The following RPS6KC1 variants were observed in gnomAD, a reference collection of about 807,000 sequenced individuals.
RPS6KC1 encodes the protein inactive ribosomal protein S6 kinase delta-1.
RPS6KC1 carries 54 observed loss-of-function variants against 103.8 expected under a neutral mutation model. That is an observed-to-expected ratio of 0.52 (90% CI 0.42 to 0.65). RPS6KC1 has a LOEUF of 0.65. Ranked by LOEUF, RPS6KC1 falls within the 30% of genes least tolerant of loss-of-function variation. The probability of loss-of-function intolerance (pLI) is 0.00; values close to 1 mark genes in which losing one functional copy is unlikely to be tolerated. For synonymous variants in RPS6KC1, 439 were observed against 438.7 expected (o/e 1.00, Z -0.01); for missense variants, 1,151 against 1,253.8 (o/e 0.92, Z 1.24).
chr1:213,171,810 C>T (rs1057364362), intron 7 of RPS6KC1, among the ~76,000 whole-genome samples: 3 of 152,116 alleles, frequency 2.0e-5, no homozygotes, highest in African/African-American at 7.2e-5. Flanking sequence ...GAAATGTGAC[C>T]TAGTGCGGCT....
At chr1:213,478,072 A>G in the RPS6KC1 span, among the ~76,000 whole-genome samples, 2 of 152,124 alleles carry the variant, frequency 1.3e-5, no homozygotes, top group African/African-American at 4.8e-5. Context: ...CCATCTCCAT[A>G]GTTTTGCCTT....
At chr1:213,620,374 G>T in the RPS6KC1 span, among the ~76,000 whole-genome samples, 1 of 152,322 alleles carries the variant, frequency 6.6e-6, no homozygotes, top group Non-Finnish European at 1.5e-5. Context: ...GGAAGCCTGT[G>T]TTCAGTTGTG....
chr1:213,748,931 T>C, the RPS6KC1 span, among the ~76,000 whole-genome samples: 2 of 152,204 alleles, frequency 1.3e-5, no homozygotes, highest in Non-Finnish European at 1.5e-5. Flanking sequence ...TCTTAATTAT[T>C]GTCCAGAGAA....
chr1:213,056,275 A>T (rs2077323881), intron 1 of RPS6KC1, among the ~76,000 whole-genome samples: 2 of 152,154 alleles, frequency 1.3e-5, no homozygotes, highest in Admixed American at 1.3e-4. Context: ...CAATGAGGAA[A>T]TTGAGGCACA....
the RPS6KC1 span, among the ~76,000 whole-genome samples, chr1:213,477,541 C>T: frequency 5.5e-3 from 839 of 152,192 alleles, 40 homozygotes; most frequent in Admixed American, 0.052. Flanking sequence ...CTGTAAATAT[C>T]AATCTTTGTT....
At chr1:213,516,818 A>T in the RPS6KC1 span, among the ~76,000 whole-genome samples, 1 of 152,110 alleles carries the variant, frequency 6.6e-6, no homozygotes, top group African/African-American at 2.4e-5. Context: ...GCTCCTCCTT[A>T]TACCTCTGGT....
chr1:213,108,670 A>T (rs1286587045), intron 4 of RPS6KC1, among the ~76,000 whole-genome samples: 12 of 140,896 alleles, frequency 8.5e-5, no homozygotes, highest in Middle Eastern at 3.6e-3. Context: ...TTTTTTTTTT[A>T]AAGAATTGGG....
the RPS6KC1 span, among the ~76,000 whole-genome samples, chr1:213,500,059 T>G: frequency 6.6e-6 from 1 of 152,186 alleles, no homozygotes; most frequent in Non-Finnish European, 1.5e-5. Flanking sequence ...ATGAAAAATA[T>G]TTTTCTTTCA....
chr1:213,764,465 G>A, the RPS6KC1 span, among the ~76,000 whole-genome samples: 1 of 152,168 alleles, frequency 6.6e-6, no homozygotes, highest in Non-Finnish European at 1.5e-5. Flanking sequence ...CCTGCTATCA[G>A]AGTGTAAGGA....
At chr1:213,075,574 AAG>A (rs2079261613) in intron 2 of RPS6KC1, among the ~76,000 whole-genome samples, 1 of 152,150 alleles carries the variant, frequency 6.6e-6, no homozygotes, top group Admixed American at 6.5e-5. Flanking sequence ...ACGAGCTCCT[AAG>A]TCAAATGTGT....
At chr1:213,746,271 T>C in the RPS6KC1 span, among the ~76,000 whole-genome samples, 1 of 152,198 alleles carries the variant, frequency 6.6e-6, no homozygotes, top group Admixed American at 6.5e-5. Flanking sequence ...GTGGGCTTCT[T>C]TGAGAAGGGC....
chr1:213,689,951 C>A, the RPS6KC1 span, among the ~76,000 whole-genome samples: 1 of 152,154 alleles, frequency 6.6e-6, no homozygotes, highest in Non-Finnish European at 1.5e-5. Context: ...GTTAGATTTT[C>A]CCAAAGAGTC....
In RPS6KC1 at chr1:213,051,508, G is replaced by C; in HGVS notation, c.104G>C (p.Arg35Pro). ...RGYTVYKVTA[R>P]VVSRRNPEDV... ...TACACAGTATATAAGGTCACCGCCC[G>C]GGTGAGTGCCGGTGTCGGGCTGGGG... Residue 35 changes from arginine to proline, a missense_variant and splice_region_variant, in exon 1 of 15, where the codon CGG becomes CCG. This residue lies in a region of RPS6KC1 where 959 missense variants were observed against 1,006.3 expected (regional missense o/e 0.95). Coordinates refer to ENST00000366960, the MANE Select transcript of RPS6KC1 (RefSeq NM_012424.6). 1 of 1,605,932 alleles carries C rather than the reference G, an allele frequency of 6.2e-7. No individual in the cohort carries two copies. The highest frequency in any genetic ancestry group is 8.5e-7 in the Non-Finnish European group (1 of 1,174,414).
At chr1:213,524,713 C>G in the RPS6KC1 span, among the ~76,000 whole-genome samples, 1 of 152,108 alleles carries the variant, frequency 6.6e-6, no homozygotes, top group African/African-American at 2.4e-5. Context: ...AGGACTATCC[C>G]AAGACAATAA....
At chr1:213,225,688 C>T (rs1316253247) in intron 8 of RPS6KC1, among the ~76,000 whole-genome samples, 8 of 152,204 alleles carry the variant, frequency 5.3e-5, no homozygotes, top group Admixed American at 1.3e-4. Flanking sequence ...TGCGCCCAGC[C>T]GGTTTGGCCT....
chr1:213,100,919 A>G (rs977741975), intron 3 of RPS6KC1, among the ~76,000 whole-genome samples: 3 of 152,282 alleles, frequency 2.0e-5, no homozygotes, highest in Admixed American at 2.0e-4. Context: ...TCTTTTTGGT[A>G]GAATGATTCG....
chr1:213,543,077 G>A, the RPS6KC1 span, among the ~76,000 whole-genome samples: 2 of 152,210 alleles, frequency 1.3e-5, no homozygotes, highest in Non-Finnish European at 2.9e-5. Flanking sequence ...AGAGGAAAGT[G>A]AGAATGGCCC....
At chr1:213,604,320 C>A in the RPS6KC1 span, among the ~76,000 whole-genome samples, 1 of 152,272 alleles carries the variant, frequency 6.6e-6, no homozygotes, top group Non-Finnish European at 1.5e-5. Context: ...ATCACATGGG[C>A]TTACAGAACA....
At chr1:213,341,897 A>T in the RPS6KC1 span, among the ~76,000 whole-genome samples, 1 of 152,268 alleles carries the variant, frequency 6.6e-6, no homozygotes, top group South Asian at 2.1e-4. Context: ...TATCTACTTC[A>T]TGGGGCTGTG....
Sources: allele counts gnomAD v4.1 joint callset (sites outside exome capture counted in the v4.1 genomes callset), GRCh38; gene constraint gnomAD v4.1.1; regional missense constraint gnomAD v4.1.1; transcripts MANE v1.5; gene names NCBI Gene and HGNC (gene_info 2026-07-23, HGNC 2026-07-21).